The following EPB41L4A variants were observed in gnomAD, a reference collection of about 807,000 sequenced individuals.
EPB41L4A encodes erythrocyte membrane protein band 4.1 like 4A.
In EPB41L4A, 100 loss-of-function variants were observed where a neutral mutation model predicts 108.6. The observed-to-expected ratio is 0.92, with a 90% CI of 0.78 to 1.09. The LOEUF (loss-of-function observed/expected upper bound fraction) is 1.09. Among genes scored for constraint, EPB41L4A ranks in the 50% least tolerant of loss-of-function variants. The pLI is 0.00. For missense variants in EPB41L4A, 1,030 were observed against 842.7 expected, an observed-to-expected ratio of 1.22 and a Z score of -2.75; for synonymous variants, 319 against 289.0, an observed-to-expected ratio of 1.10 and a Z score of -1.05.
At chr5:112,325,332 T>C (rs1336884832) in intron 1 of EPB41L4A, among the ~76,000 whole-genome samples, 2 of 151,918 alleles carry the variant, frequency 1.3e-5, no homozygotes, top group East Asian at 3.9e-4. Flanking sequence ...TCCCAGCTAC[T>C]TGGGAGGCTG....
chr5:112,154,804 T>C (rs1407168796), intron 12 of EPB41L4A, among the ~76,000 whole-genome samples: 2 of 152,092 alleles, frequency 1.3e-5, no homozygotes, highest in Non-Finnish European at 2.9e-5. Flanking sequence ...ATCAATACAG[T>C]TTAAAATACT....
intron 6 of EPB41L4A, 143 bp from the exon 7 acceptor site, chr5:112,262,724 G>A (rs1751581881): frequency 1.5e-6 from 1 of 685,226 alleles, no homozygotes; most frequent in Non-Finnish European, 2.4e-6. Context: ...TTTCAAGAAG[G>A]CCTTTGCTTC....
chr5:112,406,195 A>C (rs1473581611), intron 1 of EPB41L4A, among the ~76,000 whole-genome samples: 1 of 152,208 alleles, frequency 6.6e-6, no homozygotes, highest in Non-Finnish European at 1.5e-5. Flanking sequence ...AATCATTATC[A>C]AGGGAAAAGA....
intron 17 of EPB41L4A, among the ~76,000 whole-genome samples, 193 bp downstream of exon 17, chr5:112,194,375 A>C (rs973604956): frequency 1.4e-4 from 22 of 152,142 alleles, no homozygotes; most frequent in Admixed American, 1.2e-3. Context: ...AAGTTGTTTA[A>C]TCATCTTATT....
At chr5:112,378,988 T>C (rs771354867) in intron 1 of EPB41L4A, among the ~76,000 whole-genome samples, 3 of 152,188 alleles carry the variant, frequency 2.0e-5, no homozygotes, top group Non-Finnish European at 2.9e-5. Flanking sequence ...GAATTAGTTA[T>C]ATGCAGGTGT....
intron 12 of EPB41L4A, among the ~76,000 whole-genome samples, chr5:112,225,727 G>A (rs937142222): frequency 6.6e-6 from 1 of 151,988 alleles, no homozygotes; most frequent in Non-Finnish European, 1.5e-5. Context: ...AAATACTACC[G>A]GGCCCCTCTG....
intron 20 of EPB41L4A, chr5:112,170,100 C>A: frequency 1.8e-6 from 1 of 555,102 alleles, no homozygotes. Flanking sequence ...AAAGAGGTGG[C>A]TAATAAGAGA....
In EPB41L4A at chr5:112,419,138, C is replaced by G; in HGVS notation, c.-99G>C. 1 of 909,970 alleles carries G rather than the reference C, an allele frequency of 1.1e-6. No individual in the cohort carries two copies. Among genetic ancestry groups the G allele is most frequent in the South Asian group, 1.5e-5 (1 of 67,354 alleles). The allele number at this position is 909,970 out of a possible 1,614,324, so 56.4% of individuals were successfully genotyped here. On this transcript the variant is annotated 5_prime_UTR_variant, in exon 1 of 23. Transcript: ENST00000261486. ...CGATGCATTAATTTATTGTCCGCGCCGTGGCGAGGGTGAGACGAGCAGCTC... is the reference window on the plus strand; with the variant it reads ...CGATGCATTAATTTATTGTCCGCGCGGTGGCGAGGGTGAGACGAGCAGCTC...
At chr5:112,194,723 G>A in intron 16 of EPB41L4A, 78 bp from the exon 17 acceptor site, 1 of 853,022 alleles carries the variant, frequency 1.2e-6, no homozygotes. Context: ...GTTTATATGG[G>A]TCCTCTGGAA....
At chr5:112,395,746 G>T (rs1396148861) in intron 1 of EPB41L4A, among the ~76,000 whole-genome samples, 1 of 152,142 alleles carries the variant, frequency 6.6e-6, no homozygotes, top group Non-Finnish European at 1.5e-5. Flanking sequence ...CCATTACTGG[G>T]TATATACCCA....
At chr5:112,192,829 G>T (rs1761771730) in intron 17 of EPB41L4A, among the ~76,000 whole-genome samples, 1 of 152,158 alleles carries the variant, frequency 6.6e-6, no homozygotes, top group Admixed American at 6.5e-5. Flanking sequence ...GTTGAGAACA[G>T]AACACTTATG....
Position 112,275,403 on chromosome 5 carries a change from A to G in EPB41L4A, c.258T>C (p.Thr86=). Residue 86 remains threonine (T), a splice_region_variant and synonymous_variant, in exon 4 of 23, where the codon ACT becomes ACC. Transcript: ENST00000261486. ...CAAAATACAAAGTATATGGAGGTCC[A>G]GCTAAAATAAGAAATAGAAATTAAA... is the stretch of plus-strand genomic sequence containing the variant. ...TLAEHKELIN[T]GPPYTLYFGI... The G allele has an allele frequency of 6.5e-7, 1 of 1,535,194 alleles. No homozygotes were observed. The highest frequency in any genetic ancestry group is 1.9e-4 in the Middle Eastern group (1 of 5,394).
upstream of EPB41L4A, chr5:112,419,520 T>A (rs1053918335): frequency 5.1e-6 from 2 of 393,126 alleles, no homozygotes; most frequent in Non-Finnish European, 1.0e-5. Flanking sequence ...TGGCGTCCGA[T>A]CGGCCTGCGG....
chr5:112,301,454 C>G (rs1754356144), intron 2 of EPB41L4A, among the ~76,000 whole-genome samples: 1 of 152,148 alleles, frequency 6.6e-6, no homozygotes, highest in East Asian at 1.9e-4. Flanking sequence ...CTACCAGACT[C>G]CAGGCTGGTA....
chr5:112,377,744 A>T (rs951566372), intron 1 of EPB41L4A, among the ~76,000 whole-genome samples: 1 of 152,154 alleles, frequency 6.6e-6, no homozygotes, highest in African/African-American at 2.4e-5. Flanking sequence ...GCACCTCTTC[A>T]GAGAAAGGTG....
intron 9 of EPB41L4A, among the ~76,000 whole-genome samples, chr5:112,246,401 C>T (rs571267601): frequency 1.3e-5 from 2 of 152,150 alleles, no homozygotes; most frequent in Non-Finnish European, 2.9e-5. Context: ...AGGTTGGCAG[C>T]CTGAGAGCAA....
Position 112,320,565 on chromosome 5 carries a change from C to G in EPB41L4A, c.100-13075G>C, listed in dbSNP as rs557605047. 3.3e-4 allele frequency among the ~76,000 whole-genome samples: 50 copies of G among 152,264 alleles called. 1 individual carries two copies. In the South Asian group the frequency reaches 4.4e-3, roughly 13 times the overall value. Reference sequence around the variant, plus strand: ...TCCTGTTAACAGCCTGTTTCCGATTCTACAAGAATAGCCTGGGAACTTAAG... The same window carrying G: ...TCCTGTTAACAGCCTGTTTCCGATTGTACAAGAATAGCCTGGGAACTTAAG... On this transcript the variant is annotated intron_variant, in intron 1 of 22. Transcript: ENST00000261486.
chr5:112,315,488 T>C (rs1419255420), intron 1 of EPB41L4A, among the ~76,000 whole-genome samples: 1 of 152,156 alleles, frequency 6.6e-6, no homozygotes, highest in African/African-American at 2.4e-5. Flanking sequence ...CTTATGAAGA[T>C]TTCCATTTTT....
intron 1 of EPB41L4A, among the ~76,000 whole-genome samples, chr5:112,368,293 C>T (rs972271854): frequency 3.3e-5 from 5 of 152,058 alleles, no homozygotes; most frequent in Non-Finnish European, 7.4e-5. Context: ...CTTGAGAGCA[C>T]GAATTATCTT....
Sources: allele counts gnomAD v4.1 joint callset (sites outside exome capture counted in the v4.1 genomes callset), GRCh38; gene constraint gnomAD v4.1.1; transcripts MANE v1.5; gene names NCBI Gene and HGNC (gene_info 2026-07-23, HGNC 2026-07-21).